LRP1: variants seen among roughly 807,000 people sequenced by gnomAD.
The protein encoded by LRP1 is LDL receptor related protein 1, also known as prolow-density lipoprotein receptor-related protein 1.
Under a neutral mutation model 541.5 loss-of-function variants are expected in LRP1, and 51 were observed. The ratio of observed to expected loss-of-function variants is 0.09; its 90% CI spans 0.08 to 0.12. LRP1 has a LOEUF of 0.12. Among genes scored for constraint, LRP1 ranks in the 10% least tolerant of loss-of-function variants. LRP1 has a pLI of 1.00. For synonymous variants in LRP1, 2,219 were observed against 2,470.8 expected, an observed-to-expected ratio of 0.90 and a Z score of 3.02; for missense variants, 3,878 against 6,376.2, an observed-to-expected ratio of 0.61 and a Z score of 13.34.
At position 57,192,989 on chromosome 12, in the gene LRP1, A is replaced by C. The variant is rs761216142; in HGVS notation, c.7555+19A>C. The C allele has an allele frequency of 3.2e-6, 5 of 1,574,138 alleles. No homozygotes were observed. ...TGCCGAGGTGAGAGAGGCGGGGGGG[A>C]GGGGCTGGCGGGGAACCCAAGCACA... is the stretch of plus-strand genomic sequence containing the variant. On this transcript the variant is annotated intron_variant, in intron 45 of 88. Transcript: ENST00000243077.
intron 10 of LRP1, 102 bp downstream of exon 10, chr12:57,157,022 T>A: frequency 7.3e-7 from 1 of 1,366,702 alleles, no homozygotes; most frequent in South Asian, 1.5e-5. Context: ...TGCAGGGAGA[T>A]GAAGGAAGTG....
At position 57,154,501 on chromosome 12, in the gene LRP1, G is replaced by A; in HGVS notation, c.1027G>A (p.Gly343Arg). ...CAGGAAGGTGTTTTTCACTGACTAT[G>A]GGCAGATCCCAAAGGTGGAACGCTG... The part of the protein sequence containing the change: ...AMGKVFFTDY[G>R]QIPKVERCDM... Residue 343 changes from glycine to arginine, a missense_variant, in exon 8 of 89, where the codon GGG (glycine) becomes AGG (arginine). By Grantham distance (125) the Gly-to-Arg change is moderately radical. Coordinates refer to ENST00000243077, the MANE Select transcript of LRP1 (RefSeq NM_002332.3). The surrounding 1 kb of genome is among the most constrained non-coding windows in gnomAD (Gnocchi z 4.6). The A allele has an allele frequency of 6.2e-7, 1 of 1,614,158 alleles. No individual in the cohort carries two copies. Among genetic ancestry groups the A allele is most frequent in the South Asian group, 1.1e-5 (1 of 91,080 alleles).
In LRP1 at chr12:57,156,143, C is replaced by T; in HGVS notation, c.1277C>T (p.Thr426Ile). 1 of 1,614,040 alleles carries T rather than the reference C, an allele frequency of 6.2e-7. No individual in the cohort carries two copies. The highest frequency in any genetic ancestry group is 8.5e-7 in the Non-Finnish European group (1 of 1,180,020). ...GTGTTTGAGAATTATCTCTATGCCA[C>T]CAACTCGGACAATGCCAATGCCCAG... Reference protein sequence around the residue: ...LTVFENYLYATNSDNANAQQK... With the variant: ...LTVFENYLYAINSDNANAQQK... Residue 426 changes from threonine (T) to isoleucine (I), a missense_variant, in exon 9 of 89, where the codon ACC (threonine) becomes ATC (isoleucine). This residue lies in a region of LRP1 where 496 missense variants were observed against 861.0 expected (regional missense o/e 0.58). Transcript: ENST00000243077. This position sits in a 1 kb window ranked among gnomAD's most constrained non-coding sequence, Gnocchi z 5.2.
chr12:57,191,287 G>A (rs766192941), intron 43 of LRP1, 33 bp from the exon 44 acceptor site: 10 of 1,567,456 alleles, frequency 6.4e-6, no homozygotes, highest in Admixed American at 3.5e-5. Flanking sequence ...AGGCCTGAGC[G>A]ATGCTGTGAC....
In LRP1 at chr12:57,167,462, C is replaced by T; in HGVS notation, c.2933C>T (p.Pro978Leu). ...CTCACAGCCTATCCCACCTGCTTCC[C>T]CCTGACTCAGTTTACCTGCAACAAT... ...SASCAYPTCF[P>L]LTQFTCNNGR... is the part of the protein sequence containing the mutation. Residue 978 changes from proline (P) to leucine (L), a missense_variant, in exon 19 of 89, where the codon CCC becomes CTC. Transcript: ENST00000243077. 6.2e-7 allele frequency: 1 copy of T among 1,614,054 alleles called. No homozygotes were observed. Among genetic ancestry groups the T allele is most frequent in the Non-Finnish European group, 8.5e-7 (1 of 1,179,912 alleles).
chr12:57,161,637 T>A (rs1378884624), intron 13 of LRP1, among the ~76,000 whole-genome samples: 1 of 152,148 alleles, frequency 6.6e-6, no homozygotes, highest in Non-Finnish European at 1.5e-5. Flanking sequence ...CAACACTCTT[T>A]GAACAAGCAG....
intron 76 of LRP1, 79 bp from the exon 77 acceptor site, chr12:57,207,959 G>T: frequency 6.6e-6 from 10 of 1,512,694 alleles, no homozygotes; most frequent in Non-Finnish European, 9.1e-6. Flanking sequence ...TGACGTTCCA[G>T]CAGGCTGGCA....
intron 83 of LRP1, 47 bp downstream of exon 83, chr12:57,210,926 G>A: frequency 6.3e-7 from 1 of 1,583,664 alleles, no homozygotes; most frequent in Non-Finnish European, 8.6e-7. Flanking sequence ...AGGGTGACGG[G>A]GGACCCCAGA....
Position 57,173,063 on chromosome 12 carries a change from G to A in LRP1, c.3164-105G>A. 1.1e-6 allele frequency: 1 copy of A among 910,776 alleles called. No homozygotes were observed. Among genetic ancestry groups the A allele is most frequent in the Non-Finnish European group, 1.6e-6 (1 of 607,078 alleles). 56.4% of individuals were successfully genotyped at this position (910,776 alleles called of 1,614,324 possible). ...TGGCAGACTCTCCAGGCCTGCCTCT[G>A]CTCATATCCCCAGGCTGGGCTTACC... On this transcript the variant is annotated intron_variant, in intron 20 of 88. Transcript: ENST00000243077. The surrounding 1 kb of genome is among the most constrained non-coding windows in gnomAD (Gnocchi z 4.7).
intron 55 of LRP1, 67 bp from the exon 56 acceptor site, chr12:57,196,915 C>G (rs978362757): frequency 7.2e-7 from 1 of 1,391,066 alleles, no homozygotes; most frequent in Non-Finnish European, 9.9e-7. Flanking sequence ...AGTCTCTGAG[C>G]CAGGTCTCCA....
At chr12:57,129,434 T>TG (rs1388152700) in intron 1 of LRP1, among the ~76,000 whole-genome samples, 14 of 147,818 alleles carry the variant, frequency 9.5e-5, no homozygotes, top group African/African-American at 3.0e-4. Context: ...CAAAAGGGGG[T>TG]GGGGGTGGGG....
At chr12:57,207,886 G>C in intron 76 of LRP1, 152 bp from the exon 77 acceptor site, 1 of 812,972 alleles carries the variant, frequency 1.2e-6, no homozygotes, top group Non-Finnish European at 1.9e-6. Flanking sequence ...CTGCGAGTCT[G>C]GCGCATAAGC....
chr12:57,161,857 A>G (rs1033046165), intron 13 of LRP1, among the ~76,000 whole-genome samples: 2 of 152,164 alleles, frequency 1.3e-5, no homozygotes, highest in African/African-American at 2.4e-5. Context: ...TGGGAAGCTC[A>G]AGGGCAGAGA....
chr12:57,194,041 T>C, intron 48 of LRP1, 29 bp downstream of exon 48: 1 of 1,595,794 alleles, frequency 6.3e-7, no homozygotes, highest in Non-Finnish European at 8.6e-7. Flanking sequence ...TGGCACCTCC[T>C]GGGCTCCTCC....
Position 57,212,126 on chromosome 12 carries a change from C to T in LRP1, c.13359C>T (p.Gly4453=). The T allele has an allele frequency of 6.2e-7, 1 of 1,613,988 alleles. No individual in the cohort carries two copies. The highest frequency in any genetic ancestry group is 2.2e-5 in the East Asian group (1 of 44,886). Residue 4453 remains glycine (G), a synonymous_variant, in exon 88 of 89, where the codon GGC becomes GGT. Transcript: ENST00000243077. The surrounding 1 kb of genome is among the most constrained non-coding windows in gnomAD (Gnocchi z 5.0). ...WYKRRVQGAK[G]FQHQRMTNGA... ...TCCTGCCTTTCCCCAGGGCTAAGGG[C>T]TTCCAGCACCAACGGATGACCAACG...
chr12:57,187,312 C>G lies in LRP1; in HGVS notation c.6887C>G (p.Thr2296Ser). 6.2e-7 allele frequency: 1 copy of G among 1,614,170 alleles called. No individual in the cohort carries two copies. Among genetic ancestry groups the G allele is most frequent in the Non-Finnish European group, 8.5e-7 (1 of 1,180,010 alleles). ...EGLAYHRGWD[T>S]LYWTSYTTST... ...CTGGCCTATCACCGTGGCTGGGACA[C>G]TCTCTATTGGACAAGCTACACGACA... Residue 2296 changes from threonine to serine, a missense_variant, in exon 42 of 89, where the codon ACT becomes AGT. By Grantham distance (58) the Thr-to-Ser change is moderately conservative. Around this residue, in one of 13 missense-constraint regions of LRP1, gnomAD observed 1,100 missense variants for 1,827.4 expected, o/e 0.60. Coordinates refer to ENST00000243077, the MANE Select transcript of LRP1 (RefSeq NM_002332.3).
intron 1 of LRP1, among the ~76,000 whole-genome samples, chr12:57,136,227 GC>G (rs896428078): frequency 2.6e-5 from 4 of 152,224 alleles, no homozygotes; most frequent in Non-Finnish European, 4.4e-5. Context: ...CAGGGTGGGG[GC>G]CAGGGGAGGG....
chr12:57,171,792 GTA>G (rs1043877220), intron 20 of LRP1, among the ~76,000 whole-genome samples: 4 of 152,142 alleles, frequency 2.6e-5, no homozygotes, highest in African/African-American at 7.2e-5. Flanking sequence ...CAGCATGAGT[GTA>G]TGAGTGTGGG....
At position 57,189,839 on chromosome 12, in the gene LRP1, C is replaced by T. The variant is rs1481281354; in HGVS notation, c.7032-966C>T. Among the ~76,000 whole-genome samples the T allele has an allele frequency of 1.3e-5, 2 of 152,048 alleles. No individual in the cohort carries two copies. The highest frequency in any genetic ancestry group is 2.9e-5 in the Non-Finnish European group (2 of 67,992). ...CTAGGAGCAAGAGAATGTGGAGTCCCCTGCCCCGCCCTGGGCCTAGCTGAG... is the reference window on the plus strand; with the variant it reads ...CTAGGAGCAAGAGAATGTGGAGTCCTCTGCCCCGCCCTGGGCCTAGCTGAG... On this transcript the variant is annotated intron_variant, in intron 42 of 88. Transcript: ENST00000243077. This position sits in a 1 kb window ranked among gnomAD's most constrained non-coding sequence, Gnocchi z 4.4.
Sources: gnomAD v4.1 joint callset for allele counts (sites outside exome capture counted in the v4.1 genomes callset) on GRCh38, gnomAD v4.1.1 for gene constraint, gnomAD v4.1.1 regional missense constraint, Gnocchi (gnomAD v3.1) non-coding constraint, MANE v1.5 for transcripts, NCBI Gene and HGNC (gene_info 2026-07-23, HGNC 2026-07-21) for gene names.